Variants in ROPN1L observed in about 807,000 individuals in gnomAD.
The protein encoded by ROPN1L is rhophilin associated tail protein 1 like, also known as ropporin-1-like protein.
In ROPN1L, 23 loss-of-function variants were observed where a neutral mutation model predicts 22.7. That is an observed-to-expected ratio of 1.01 (90% CI 0.73 to 1.43). The LOEUF (loss-of-function observed/expected upper bound fraction) is 1.43, where lower values mean the gene tolerates loss of function less well. Ranked by LOEUF, ROPN1L falls within the 40% of genes most tolerant of loss-of-function variation. ROPN1L has a pLI of 0.00. For synonymous variants in ROPN1L, 116 were observed against 117.8 expected (o/e 0.98, Z 0.10); for missense variants, 271 against 291.5 (o/e 0.93, Z 0.51).
intron 1 of ROPN1L, among the ~76,000 whole-genome samples, 176 bp from the exon 2 acceptor site, chr5:10,448,084 G>T (rs889902979): frequency 1.3e-5 from 2 of 152,166 alleles, no homozygotes; most frequent in Non-Finnish European, 1.5e-5. Context: ...ACTAAGGCAG[G>T]CAGAGAAGGT....
downstream of ROPN1L, among the ~76,000 whole-genome samples, chr5:10,473,959 C>T (rs1735284900): frequency 6.6e-6 from 1 of 151,998 alleles, no homozygotes; most frequent in African/African-American, 2.4e-5. Context: ...CGAGACCACC[C>T]TGGGTTACAT....
downstream of ROPN1L, among the ~76,000 whole-genome samples, chr5:10,469,104 G>T (rs1232170886): frequency 6.6e-6 from 1 of 152,106 alleles, no homozygotes; most frequent in African/African-American, 2.4e-5. Context: ...GCAATGAGCC[G>T]AGATCGTGCC....
chr5:10,454,296 T>A (rs1741349833), intron 3 of ROPN1L, among the ~76,000 whole-genome samples: 2 of 152,116 alleles, frequency 1.3e-5, no homozygotes. Flanking sequence ...GCTAATTTTT[T>A]ATTTTTTGTA....
the ROPN1L span, among the ~76,000 whole-genome samples, chr5:10,482,460 G>A: frequency 7.9e-5 from 12 of 152,182 alleles, no homozygotes; most frequent in African/African-American, 2.9e-4. Flanking sequence ...TGGACATTTT[G>A]ATAACATCAA....
In ROPN1L at chr5:10,453,902, C is replaced by T. The variant is rs561075115; in HGVS notation, c.417+3789C>T. The stretch of plus-strand genomic sequence containing the variant: ...AACAAAACGGGCAAACATCACCAGA[C>T]TCTTGGAGCTGATGTTCTGTTATAT... On this transcript the variant is annotated intron_variant, in intron 3 of 4. Coordinates refer to ENST00000274134, the MANE Select transcript of ROPN1L (RefSeq NM_031916.5). Among the ~76,000 whole-genome samples the T allele has an allele frequency of 2.0e-5, 3 of 152,286 alleles. No homozygotes were observed. The East Asian group carries it at 5.8e-4, about 29-fold the overall frequency.
chr5:10,451,753 C>T (rs902697038), intron 3 of ROPN1L, among the ~76,000 whole-genome samples: 4 of 152,160 alleles, frequency 2.6e-5, no homozygotes, highest in South Asian at 2.1e-4. Context: ...CTGTCAGCCC[C>T]GGGCTAATTG....
intron 3 of ROPN1L, among the ~76,000 whole-genome samples, chr5:10,454,259 G>A (rs759967313): frequency 1.3e-5 from 2 of 152,046 alleles, no homozygotes; most frequent in African/African-American, 2.4e-5. Flanking sequence ...CCCAAGTCGG[G>A]ATTACAGGCA....
chr5:10,463,266 G>T (rs1735075786), intron 4 of ROPN1L, among the ~76,000 whole-genome samples: 1 of 152,222 alleles, frequency 6.6e-6, no homozygotes, highest in Non-Finnish European at 1.5e-5. Context: ...AAGACAAGAT[G>T]CAGAGTAAAA....
At chr5:10,462,902 CAATAATAATAAT>C (rs35234246) in intron 4 of ROPN1L, among the ~76,000 whole-genome samples, 14 of 150,272 alleles carry the variant, frequency 9.3e-5, no homozygotes, top group Non-Finnish European at 1.9e-4. Context: ...ATAATAACAA[CAATAATAATAAT>C]AATAATAATA....
At chr5:10,450,794 G>A (rs889520675) in intron 3 of ROPN1L, among the ~76,000 whole-genome samples, 5 of 152,190 alleles carry the variant, frequency 3.3e-5, no homozygotes, top group Non-Finnish European at 7.3e-5. Context: ...GTGAGCCACC[G>A]CGCCGGCCTT....
the ROPN1L span, among the ~76,000 whole-genome samples, chr5:10,481,350 G>T: frequency 6.6e-6 from 1 of 152,262 alleles, no homozygotes; most frequent in Non-Finnish European, 1.5e-5. Flanking sequence ...AGGCTCAGGA[G>T]ACAGCGGACA....
chr5:10,468,048 T>C (rs1260466897), downstream of ROPN1L, among the ~76,000 whole-genome samples: 1 of 152,232 alleles, frequency 6.6e-6, no homozygotes, highest in Non-Finnish European at 1.5e-5. Context: ...CGGAGTCTCC[T>C]GCTTAACGCT....
At chr5:10,478,799 T>TG in the ROPN1L span, among the ~76,000 whole-genome samples, 1 of 152,208 alleles carries the variant, frequency 6.6e-6, no homozygotes, top group South Asian at 2.1e-4. Context: ...CCCCAAATCT[T>TG]GCTAGGTTTC....
the ROPN1L span, among the ~76,000 whole-genome samples, chr5:10,477,700 C>G: frequency 1.3e-5 from 2 of 152,242 alleles, no homozygotes; most frequent in African/African-American, 4.8e-5. Flanking sequence ...GAGGCCAAGG[C>G]AATCGGATCA....
At chr5:10,464,463 G>A (rs1227471027) in intron 4 of ROPN1L, among the ~76,000 whole-genome samples, 5 of 152,096 alleles carry the variant, frequency 3.3e-5, no homozygotes, top group East Asian at 1.9e-4. Context: ...TCTCTGATGC[G>A]GCTACTCCGC....
At chr5:10,462,427 C>A (rs1245747411) in intron 4 of ROPN1L, among the ~76,000 whole-genome samples, 2 of 152,228 alleles carry the variant, frequency 1.3e-5, no homozygotes, top group African/African-American at 4.8e-5. Flanking sequence ...CAAGCAGCAC[C>A]TCAGAAGGGA....
intron 3 of ROPN1L, 24 bp downstream of exon 3, chr5:10,450,137 TA>T (rs1741209118): frequency 6.5e-7 from 1 of 1,529,734 alleles, no homozygotes; most frequent in Admixed American, 2.2e-5. Context: ...AACAGCATAT[TA>T]ATAATTCTGT....
At position 10,454,290 on chromosome 5, in the gene ROPN1L, A is replaced by T. The variant is rs556506680; in HGVS notation, c.417+4177A>T. ...AGGCATGCAGCACCACATCCAGCTA[A>T]TTTTTTATTTTTTGTAGAGACAAGT... On this transcript the variant is annotated intron_variant, in intron 3 of 4. Coordinates refer to ENST00000274134, the MANE Select transcript of ROPN1L (RefSeq NM_031916.5). 5.9e-5 allele frequency among the ~76,000 whole-genome samples: 9 copies of T among 152,068 alleles called. No individual in the cohort carries two copies. The East Asian group carries it at 1.7e-3, about 29-fold the overall frequency.
intron 4 of ROPN1L, among the ~76,000 whole-genome samples, chr5:10,471,205 T>G (rs1227359137): frequency 6.6e-6 from 1 of 152,204 alleles, no homozygotes; most frequent in Non-Finnish European, 1.5e-5. Context: ...TAGTGTGATT[T>G]TGGTTCACCT....
Sources: allele counts gnomAD v4.1 joint callset (sites outside exome capture counted in the v4.1 genomes callset), GRCh38; gene constraint gnomAD v4.1.1; transcripts MANE v1.5; gene names NCBI Gene and HGNC (gene_info 2026-07-23, HGNC 2026-07-21).